The following PTPRD variants were observed in gnomAD, a reference collection of about 807,000 sequenced individuals.
The protein encoded by PTPRD is protein tyrosine phosphatase receptor type D, also known as receptor-type tyrosine-protein phosphatase delta.
Under a neutral mutation model 214.5 loss-of-function variants are expected in PTPRD, and 34 were observed. The ratio of observed to expected loss-of-function variants is 0.16; its 90% CI spans 0.12 to 0.21. The LOEUF is 0.21. PTPRD is among the 10% of genes least tolerant of loss of function. PTPRD has a pLI of 1.00. For synonymous variants in PTPRD, 1,128 were observed against 845.7 expected (o/e 1.33, Z -5.79); for missense variants, 2,545 against 2,398.7 (o/e 1.06, Z -1.27).
chr9:8,362,420 G>T (rs538643231), intron 39 of PTPRD, among the ~76,000 whole-genome samples: 4 of 152,264 alleles, frequency 2.6e-5, no homozygotes, highest in African/African-American at 7.2e-5. Flanking sequence ...ACGAAAGAGG[G>T]ATGAAATATT....
At chr9:8,721,329 C>T (rs183276601) in intron 12 of PTPRD, among the ~76,000 whole-genome samples, 2 of 150,664 alleles carry the variant, frequency 1.3e-5, no homozygotes, top group East Asian at 2.0e-4. Context: ...ACTCGAGAGG[C>T]TGAGGCACAA....
intron 9 of PTPRD, among the ~76,000 whole-genome samples, chr9:9,337,658 T>C (rs1189614278): frequency 6.6e-6 from 1 of 152,210 alleles, no homozygotes; most frequent in Non-Finnish European, 1.5e-5. Flanking sequence ...AGACTTGTCC[T>C]GTGATGACTT....
chr9:9,442,875 G>A (rs780502535), intron 8 of PTPRD, among the ~76,000 whole-genome samples: 3 of 152,160 alleles, frequency 2.0e-5, no homozygotes, highest in Non-Finnish European at 4.4e-5. Context: ...TTTCCTAAAG[G>A]ATTATTTGAG....
rs189200292 is a variant in PTPRD at position 9,830,041 on chromosome 9, C to T, written c.-367-63190G>A. Among the ~76,000 whole-genome samples, 854 of 151,688 alleles carry T rather than the reference C, an allele frequency of 5.6e-3. 2 individuals carry two copies. Among genetic ancestry groups the T allele is most frequent in the Middle Eastern group, 0.014 (4 of 294 alleles). On this transcript the variant is annotated intron_variant, in intron 5 of 45. Coordinates refer to ENST00000381196, the MANE Select transcript of PTPRD (RefSeq NM_002839.4). The stretch of plus-strand genomic sequence containing the variant: ...ATGTGGTATCAACTAAAAGCCTCAG[C>T]AAGTTTTCCTAAACATTCATCTCTA...
At chr9:9,535,929 C>T (rs1167855220) in intron 8 of PTPRD, among the ~76,000 whole-genome samples, 1 of 151,986 alleles carries the variant, frequency 6.6e-6, no homozygotes, top group African/African-American at 2.4e-5. Flanking sequence ...ATAAGATTCG[C>T]TATTTGAATA....
intron 2 of PTPRD, among the ~76,000 whole-genome samples, chr9:10,342,504 A>G (rs984543748): frequency 2.6e-5 from 4 of 152,140 alleles, no homozygotes; most frequent in African/African-American, 9.6e-5. Context: ...AAAAATTTAT[A>G]TAACAACTAA....
At chr9:8,723,505 A>G (rs774896194) in intron 12 of PTPRD, among the ~76,000 whole-genome samples, 1 of 152,202 alleles carries the variant, frequency 6.6e-6, no homozygotes, top group Non-Finnish European at 1.5e-5. Context: ...CAACTAGAAT[A>G]TAAAGTCTGT....
intron 3 of PTPRD, among the ~76,000 whole-genome samples, chr9:10,303,917 G>A (rs932342686): frequency 1.3e-5 from 2 of 152,034 alleles, no homozygotes; most frequent in African/African-American, 2.4e-5. Context: ...ATTTTATGAG[G>A]CCAGCATCAT....
intron 14 of PTPRD, among the ~76,000 whole-genome samples, chr9:8,567,579 C>A (rs769069029): frequency 5.3e-5 from 8 of 152,106 alleles, no homozygotes; most frequent in South Asian, 2.1e-4. Context: ...GGCCTCAGTG[C>A]CACAGTGGCT....
chr9:10,237,963 T>A (rs967479993), intron 3 of PTPRD, among the ~76,000 whole-genome samples: 1 of 151,894 alleles, frequency 6.6e-6, no homozygotes, highest in African/African-American at 2.4e-5. Flanking sequence ...TTTTAAAATA[T>A]ATTCAAAAGT....
intron 8 of PTPRD, among the ~76,000 whole-genome samples, chr9:9,509,018 G>T (rs1432265978): frequency 6.6e-6 from 1 of 151,148 alleles, no homozygotes; most frequent in East Asian, 1.9e-4. Context: ...TACTAAATAT[G>T]GTTGTAAAAC....
chr9:9,776,635 GA>G lies in PTPRD; in HGVS notation c.-367-9785del, dbSNP rs34460558. Among the ~76,000 whole-genome samples, 792 of 151,606 alleles carry G rather than the reference GA, an allele frequency of 5.2e-3. 8 individuals carry two copies. The highest frequency in any genetic ancestry group is 0.018 in the African/African-American group (756 of 41,368). ...CGATCTACTCCCTTCTAGCTAACAA[GA>G]AAAAAAAGAACATGCTAGTTTAACA... On this transcript the variant is annotated intron_variant, in intron 5 of 45. Coordinates refer to ENST00000381196, the MANE Select transcript of PTPRD (RefSeq NM_002839.4).
intron 7 of PTPRD, among the ~76,000 whole-genome samples, chr9:9,646,876 TTC>T (rs1181374353): frequency 6.6e-6 from 1 of 152,180 alleles, no homozygotes; most frequent in Non-Finnish European, 1.5e-5. Context: ...AATGTGGTCT[TTC>T]TCTCTCTCAG....
intron 10 of PTPRD, among the ~76,000 whole-genome samples, chr9:9,168,792 A>T (rs2099908920): frequency 6.6e-6 from 1 of 152,102 alleles, no homozygotes; most frequent in South Asian, 2.1e-4. Context: ...GGAAGAAAGC[A>T]GTTTATTTGT....
At chr9:10,125,937 A>T (rs77670251) in intron 3 of PTPRD, among the ~76,000 whole-genome samples, 3,495 of 152,230 alleles carry the variant, frequency 0.023, 118 homozygotes, top group African/African-American at 0.078. Flanking sequence ...GACCAAGAAA[A>T]CTAAAAATGC....
chr9:8,621,169 A>T lies in PTPRD; in HGVS notation c.352+12148T>A, dbSNP rs987677538. Among the ~76,000 whole-genome samples the T allele has an allele frequency of 9.2e-5, 14 of 151,830 alleles. 1 individual carries two copies. The South Asian group carries it at 2.9e-3, about 32-fold the overall frequency. On this transcript the variant is annotated intron_variant, in intron 14 of 45. Transcript: ENST00000381196. ...AAGCCTGTCTCTGCTTCAACTCCAC[A>T]CCAATTACTTCCCCTCCACCATTCT...
intron 11 of PTPRD, among the ~76,000 whole-genome samples, chr9:8,862,813 G>T (rs947462827): frequency 6.6e-6 from 1 of 151,772 alleles, no homozygotes; most frequent in Non-Finnish European, 1.5e-5. Flanking sequence ...GTAAACTATC[G>T]CAAGAACAAA....
rs1432521331 is a variant in PTPRD, at chr9:8,507,379, C to T, written c.1599G>A (p.Leu533=). The change falls in exon 22 of 46, where the codon TTG becomes TTA. Residue 533 remains leucine, a synonymous_variant. Transcript: ENST00000381196. ...CTGAACGTGGAGGTGTCCAAGAGAG[C>T]AAAATACTTGTTTCAGACTCAGGTT... ...KAEPESETSI[L]LSWTPPRSDT... is the part of the protein sequence containing the mutation. 6.2e-7 allele frequency: 1 copy of T among 1,613,992 alleles called. No individual in the cohort carries two copies. The highest frequency in any genetic ancestry group is 2.2e-5 in the East Asian group (1 of 44,860).
intron 3 of PTPRD, among the ~76,000 whole-genome samples, chr9:10,150,073 C>T (rs1412609826): frequency 6.6e-6 from 1 of 152,024 alleles, no homozygotes; most frequent in Non-Finnish European, 1.5e-5. Context: ...AAAAAAGCTA[C>T]CTATATGTTT....
Sources: gnomAD v4.1 joint callset for allele counts (sites outside exome capture counted in the v4.1 genomes callset) on GRCh38, gnomAD v4.1.1 for gene constraint, MANE v1.5 for transcripts, NCBI Gene and HGNC (gene_info 2026-07-23, HGNC 2026-07-21) for gene names.